The following PLXND1 variants were observed in gnomAD, a reference collection of about 807,000 sequenced individuals.
PLXND1 encodes plexin-D1.
In PLXND1, 54 loss-of-function variants were observed where a neutral mutation model predicts 197.7. The observed-to-expected ratio is 0.27, with a 90% CI of 0.22 to 0.34. The LOEUF is 0.34. Ranked by LOEUF, PLXND1 falls within the 10% of genes least tolerant of loss-of-function variation. The probability of loss-of-function intolerance (pLI) is 1.00; values close to 1 mark genes in which losing one functional copy is unlikely to be tolerated. For synonymous variants in PLXND1, 1,180 were observed against 1,161.2 expected, an observed-to-expected ratio of 1.02 and a Z score of -0.33; for missense variants, 2,127 against 2,699.2, an observed-to-expected ratio of 0.79 and a Z score of 4.70.
At position 129,586,680 on chromosome 3, in the gene PLXND1, C is replaced by T. The variant is rs190778347; in HGVS notation, c.1528G>A (p.Val510Met). 2 of 1,593,700 alleles carry T rather than the reference C, an allele frequency of 1.3e-6. No homozygotes were observed. Among genetic ancestry groups the T allele is most frequent in the African/African-American group, 1.3e-5 (1 of 74,836 alleles). ...NESMQVVSRR[V>M]VTVAYGEPVH... ...GGCTCCCCATAGGCCACAGTCACCA[C>T]CCGCCTGCTCACCACCTGCATGCTC... is the stretch of plus-strand genomic sequence containing the variant. The change falls in exon 3 of 36, where the codon GTG (valine) becomes ATG (methionine). Residue 510 changes from valine (V) to methionine (M), a missense_variant. Coordinates refer to ENST00000324093, the MANE Select transcript of PLXND1 (RefSeq NM_015103.3).
chr3:129,603,615 T>C (rs1317953370), intron 1 of PLXND1, among the ~76,000 whole-genome samples: 2 of 152,204 alleles, frequency 1.3e-5, no homozygotes, highest in Non-Finnish European at 2.9e-5. Flanking sequence ...CCCTTTGGAC[T>C]GTCTGCCCTG....
intron 1 of PLXND1, among the ~76,000 whole-genome samples, chr3:129,604,117 G>A (rs191713247): frequency 1.1e-4 from 16 of 152,214 alleles, no homozygotes; most frequent in African/African-American, 3.4e-4. Context: ...TGCTGATTCC[G>A]TCAACCTGGC....
In PLXND1 at chr3:129,556,187, C is replaced by T. The variant is rs2084970433; in HGVS notation, c.*125G>A. 3 of 754,062 alleles carry T rather than the reference C, an allele frequency of 4.0e-6. No individual in the cohort carries two copies. The highest frequency in any genetic ancestry group is 6.9e-6 in the Non-Finnish European group (3 of 433,584). 46.7% of individuals were successfully genotyped at this position (754,062 alleles called of 1,614,324 possible). On this transcript the variant is annotated 3_prime_UTR_variant, in exon 36 of 36. Coordinates refer to ENST00000324093, the MANE Select transcript of PLXND1 (RefSeq NM_015103.3). ...TCAGAGAGCAGCCCCTCCTCCTGCC[C>T]CCGCCCCAGCCGTCTCTGCTCAGTA...
intron 1 of PLXND1, among the ~76,000 whole-genome samples, chr3:129,594,256 G>A (rs1252925811): frequency 6.6e-6 from 1 of 152,202 alleles, no homozygotes; most frequent in African/African-American, 2.4e-5. Context: ...GGGAAAGTCA[G>A]GTTTCCTTGC....
At chr3:129,586,820 C>G in intron 2 of PLXND1, 101 bp from the exon 3 acceptor site, 2 of 1,376,352 alleles carry the variant, frequency 1.5e-6, no homozygotes, top group Admixed American at 2.0e-5. Context: ...CCTCCCCATC[C>G]TGTCTTGGAC....
chr3:129,561,953 GAGGGGT>G, intron 27 of PLXND1, 50 bp from the exon 28 acceptor site: 1 of 1,318,168 alleles, frequency 7.6e-7, no homozygotes, highest in Non-Finnish European at 1.1e-6. Flanking sequence ...AGCTGGGCCT[GAGGGGT>G]AGGTACCGGC....
intron 1 of PLXND1, 33 bp downstream of exon 1, chr3:129,605,296 G>A: frequency 1.1e-6 from 1 of 933,586 alleles, no homozygotes; most frequent in Non-Finnish European, 1.4e-6. Flanking sequence ...CGCCGCCGCC[G>A]CCGCCGCCGC....
chr3:129,566,585 A>T lies in PLXND1; in HGVS notation c.4133T>A (p.Leu1378His). The T allele has an allele frequency of 6.2e-7, 1 of 1,613,192 alleles. No individual in the cohort carries two copies. Among genetic ancestry groups the T allele is most frequent in the South Asian group, 1.1e-5 (1 of 91,060 alleles). The change falls in exon 23 of 36, where the codon CTC becomes CAC. Residue 1378 changes from leucine (L) to histidine (H), a missense_variant. Physicochemically the swap from Leu to His is moderately conservative, Grantham distance 99. Transcript: ENST00000324093. ...EERYVLPSQT[L>H]NSQGSSQAQE... ...TGCCTGGGAGCTGCCCTGGGAGTTG[A>T]GGGTCTGGGAGGGCAGCACGTAACG...
chr3:129,561,845 CACT>C lies in PLXND1; in HGVS notation c.4881_4883del (p.Val1629del). On this transcript the variant is annotated inframe_deletion, in exon 28 of 36. Coordinates refer to ENST00000324093, the MANE Select transcript of PLXND1 (RefSeq NM_015103.3). ...TAAGCTTCTTGCGGCCGTCTTCCAC[CACT>C]GAGGTGTCGTCCAGGTCCCGAAGGA... The C allele has an allele frequency of 6.2e-7, 1 of 1,614,048 alleles. No homozygotes were observed. Among genetic ancestry groups the C allele is most frequent in the Non-Finnish European group, 8.5e-7 (1 of 1,179,960 alleles).
Position 129,606,625 on chromosome 3 carries a change from G to A in PLXND1, c.15C>T (p.Ala5=), listed in dbSNP as rs2085800449. 1.8e-6 allele frequency: 2 copies of A among 1,130,586 alleles called. No individual in the cohort carries two copies. The highest frequency in any genetic ancestry group is 8.5e-5 in the South Asian group (2 of 23,438). The allele number at this position is 1,130,586 out of a possible 1,614,324, so 70.0% of individuals were successfully genotyped here. A position where few individuals can be genotyped will look rare whatever the true frequency, so the allele number is the denominator to read the frequency against. Residue 5 remains alanine, a synonymous_variant, in exon 1 of 36, where the codon GCC becomes GCT. Transcript: ENST00000324093. MAPR[A]AGGAPLSARA... ...GGGCGCTAAGGGGTGCGCCGCCCGC[G>A]GCGCGAGGAGCCATCCGGGCGTGCG...
intron 1 of PLXND1, among the ~76,000 whole-genome samples, chr3:129,597,524 A>G (rs906629801): frequency 3.3e-5 from 5 of 152,074 alleles, no homozygotes; most frequent in Non-Finnish European, 7.4e-5. Flanking sequence ...AAAGTGCTAC[A>G]TGATTAACGC....
intron 27 of PLXND1, chr3:129,562,421 G>C (rs906973947): frequency 4.2e-6 from 1 of 236,616 alleles, no homozygotes; most frequent in Admixed American, 5.0e-5. Context: ...GAAATGAGGG[G>C]ATCACTTGAG....
At chr3:129,603,302 C>A (rs1438087054) in intron 1 of PLXND1, among the ~76,000 whole-genome samples, 1 of 152,146 alleles carries the variant, frequency 6.6e-6, no homozygotes, top group Non-Finnish European at 1.5e-5. Context: ...GAAGCTCCAG[C>A]CCCCCTCAGC....
chr3:129,592,109 C>G lies in PLXND1; in HGVS notation c.1312-2582G>C, dbSNP rs146899258. On this transcript the variant is annotated intron_variant, in intron 1 of 35. Transcript: ENST00000324093. Reference sequence around the variant, plus strand: ...CTCTGCCCAGGAAGCCATTCCCCCCCACCCGAGAGCTGCATCATTGGCACC... The same window carrying G: ...CTCTGCCCAGGAAGCCATTCCCCCCGACCCGAGAGCTGCATCATTGGCACC... Among the ~76,000 whole-genome samples the G allele has an allele frequency of 3.3e-4, 50 of 152,278 alleles. No individual in the cohort carries two copies. The East Asian group carries it at 4.1e-3, about 12-fold the overall frequency.
intron 25 of PLXND1, 106 bp from the exon 26 acceptor site, chr3:129,563,346 TC>T (rs1407921514): frequency 9.2e-6 from 8 of 870,474 alleles, no homozygotes; most frequent in Middle Eastern, 3.2e-4. Context: ...TCCAACAGTC[TC>T]CTTTTGGATC....
chr3:129,565,615 AT>A (rs1474510353), intron 24 of PLXND1, 77 bp from the exon 25 acceptor site: 1 of 1,293,678 alleles, frequency 7.7e-7, no homozygotes, highest in East Asian at 2.4e-5. Context: ...GTGCCGCCTC[AT>A]CCCCGGGCCC....
intron 1 of PLXND1, among the ~76,000 whole-genome samples, chr3:129,598,339 C>T (rs892862727): frequency 9.9e-5 from 15 of 152,098 alleles, no homozygotes; most frequent in Admixed American, 3.3e-4. Context: ...TCATGACCTC[C>T]TCCCTCACCA....
Position 129,583,580 on chromosome 3 carries a change from G to A in PLXND1, c.2228C>T (p.Ser743Leu), listed in dbSNP as rs756439871. The A allele has an allele frequency of 6.2e-7, 1 of 1,613,046 alleles. No individual in the cohort carries two copies. Among genetic ancestry groups the A allele is most frequent in the Admixed American group, 1.7e-5 (1 of 59,986 alleles). Reference sequence around the variant, plus strand: ...AGCCTGGCTTACCGTGGGGTTTGGTGAGGCCTCGCACCGAGACTGGTTGGA... The same window carrying A: ...AGCCTGGCTTACCGTGGGGTTTGGTAAGGCCTCGCACCGAGACTGGTTGGA... ...CVSNQSRCEA[S>L]PNPTSPQDCP... Residue 743 changes from serine (S) to leucine (L), a missense_variant, in exon 8 of 36, where the codon TCA becomes TTA. Physicochemically the swap from Ser to Leu is moderately radical, Grantham distance 145. Transcript: ENST00000324093.
In PLXND1 at chr3:129,571,023, G is replaced by A. The variant is rs752603564; in HGVS notation, c.3600+17C>T. 5.0e-6 allele frequency: 8 copies of A among 1,613,210 alleles called. No homozygotes were observed. In the South Asian group the frequency reaches 8.8e-5, roughly 18 times the overall value. On this transcript the variant is annotated intron_variant, in intron 18 of 35. Transcript: ENST00000324093. ...GGCTCGCTTGCCCCCGCCTACCCCG[G>A]CCCCTTTGGTGCTCACGTGGATAAC...
Sources: allele counts gnomAD v4.1 joint callset (sites outside exome capture counted in the v4.1 genomes callset), GRCh38; gene constraint gnomAD v4.1.1; transcripts MANE v1.5; gene names NCBI Gene and HGNC (gene_info 2026-07-23, HGNC 2026-07-21).